TNRC6C: variants seen among roughly 807,000 people sequenced by gnomAD.
TNRC6C encodes trinucleotide repeat-containing gene 6C protein.
A neutral mutation model predicts 153.7 loss-of-function variants in TNRC6C; 20 were observed. That is an observed-to-expected ratio of 0.13 (90% CI 0.09 to 0.19). The LOEUF (loss-of-function observed/expected upper bound fraction) is 0.19, where lower values mean the gene tolerates loss of function less well. TNRC6C is among the 10% of genes least tolerant of loss of function. The pLI is 1.00. For synonymous variants in TNRC6C, 811 were observed against 841.4 expected, an observed-to-expected ratio of 0.96 and a Z score of 0.63; for missense variants, 1,987 against 2,172.0, an observed-to-expected ratio of 0.91 and a Z score of 1.69.
chr17:78,074,654 A>G (rs780262842), intron 7 of TNRC6C, among the ~76,000 whole-genome samples: 6 of 152,246 alleles, frequency 3.9e-5, no homozygotes, highest in Admixed American at 2.6e-4. Flanking sequence ...ACTTGCAGAT[A>G]CAGGACTCGG....
chr17:78,100,131 G>A (rs1423326379), intron 17 of TNRC6C, among the ~76,000 whole-genome samples: 1 of 152,202 alleles, frequency 6.6e-6, no homozygotes, highest in Non-Finnish European at 1.5e-5. Flanking sequence ...TTCACGGGCT[G>A]GTATTGTCTG....
chr17:78,031,653 T>TA, exon 2 of TNRC6C: 1 of 1,232,520 alleles, frequency 8.1e-7, no homozygotes, highest in Non-Finnish European at 1.0e-6. Flanking sequence ...TGCATCCCGT[T>TA]ACCTGCCTCG....
At chr17:78,098,234 C>T in intron 16 of TNRC6C, 109 bp from the exon 20 acceptor site, 1 of 1,085,044 alleles carries the variant, frequency 9.2e-7, no homozygotes, top group Non-Finnish European at 1.3e-6. Context: ...CTTTGCCTAT[C>T]ACACAGTCTG....
intron 14 of TNRC6C, among the ~76,000 whole-genome samples, 188 bp from the exon 17 acceptor site, chr17:78,092,737 AAAATAAAT>A (rs554426804): frequency 2.0e-5 from 3 of 152,140 alleles, no homozygotes; most frequent in African/African-American, 7.2e-5. Context: ...TTGTCTCAAA[AAAATAAAT>A]AAATAAATAA....
In TNRC6C at chr17:78,098,324, C is replaced by T. The variant is rs779799903; in HGVS notation, c.4307-19C>T. ...CTTTGTCTCAAGACTGCATATGCTC[C>T]ATCTCTCTGCCTTTCTAGGTAAACT... On this transcript the variant is annotated intron_variant, in intron 16 of 19. Transcript: ENST00000301624. The T allele has an allele frequency of 6.3e-6, 10 of 1,593,936 alleles. No homozygotes were observed. The Admixed American group carries it at 1.7e-4, about 28-fold the overall frequency.
In TNRC6C at chr17:78,031,509, A is replaced by C; in HGVS notation, c.-545-7A>C. On this transcript the variant is annotated splice_region_variant and splice_polypyrimidine_tract_variant and intron_variant, in intron 1 of 19. Coordinates refer to ENST00000301624, the Ensembl canonical transcript of TNRC6C. ...TTTTGGGTTCTTTTGCCTTTCATTC[A>C]TTTTAGTGCCAGAACCTACTAAGAC... is the stretch of plus-strand genomic sequence containing the variant. 8.1e-7 allele frequency: 1 copy of C among 1,232,090 alleles called. No individual in the cohort carries two copies. The highest frequency in any genetic ancestry group is 1.0e-6 in the Non-Finnish European group (1 of 987,970). 76.3% of individuals were successfully genotyped at this position (1,232,090 alleles called of 1,614,324 possible).
chr17:78,047,426 C>A (rs998736261), intron 2 of TNRC6C, among the ~76,000 whole-genome samples: 1 of 152,176 alleles, frequency 6.6e-6, no homozygotes, highest in Non-Finnish European at 1.5e-5. Context: ...CCTGGAATTA[C>A]GTACCTACTT....
chr17:77,964,600 AT>A (rs2070883774), intron 1 of TNRC6C, among the ~76,000 whole-genome samples: 1 of 152,178 alleles, frequency 6.6e-6, no homozygotes, highest in African/African-American at 2.4e-5. Flanking sequence ...TTTCTTTTTA[AT>A]TACTCTTTTA....
chr17:78,032,495 T>C (rs2072096287), intron 2 of TNRC6C, among the ~76,000 whole-genome samples: 2 of 152,252 alleles, frequency 1.3e-5, no homozygotes, highest in South Asian at 4.1e-4. Context: ...AAAATTCATG[T>C]ACTGTAGTTT....
At chr17:78,045,158 A>T (rs1358118296) in intron 2 of TNRC6C, among the ~76,000 whole-genome samples, 1 of 152,208 alleles carries the variant, frequency 6.6e-6, no homozygotes, top group Admixed American at 6.5e-5. Flanking sequence ...GTGGGGCAGT[A>T]GGGGGCATGG....
chr17:77,961,735 T>C (rs79303880), intron 1 of TNRC6C, among the ~76,000 whole-genome samples: 2,127 of 152,356 alleles, frequency 0.014, 24 homozygotes, highest in Non-Finnish European at 0.02. Context: ...TAGTTGCCTT[T>C]AGAATGCTGA....
intron 16 of TNRC6C, among the ~76,000 whole-genome samples, chr17:78,095,555 A>G (rs2073470464): frequency 6.6e-6 from 1 of 152,182 alleles, no homozygotes; most frequent in Non-Finnish European, 1.5e-5. Context: ...GCACTTGTAC[A>G]CAGACATCAG....
intron 1 of TNRC6C, among the ~76,000 whole-genome samples, chr17:77,998,531 T>C (rs1385025872): frequency 2.0e-5 from 3 of 152,214 alleles, no homozygotes; most frequent in Non-Finnish European, 2.9e-5. Context: ...TCAGTCTCTT[T>C]GTTTTCCAAA....
At chr17:78,099,623 C>G (rs2073553013) in intron 17 of TNRC6C, among the ~76,000 whole-genome samples, 2 of 152,194 alleles carry the variant, frequency 1.3e-5, no homozygotes, top group Non-Finnish European at 2.9e-5. Context: ...TGGGTTCCTT[C>G]ACGAAACATG....
intron 3 of TNRC6C, among the ~76,000 whole-genome samples, chr17:78,060,881 T>C (rs1470087739): frequency 2.0e-5 from 3 of 152,236 alleles, no homozygotes; most frequent in Non-Finnish European, 4.4e-5. Context: ...TAATTATCTG[T>C]AGTGCTTAAG....
intron 1 of TNRC6C, among the ~76,000 whole-genome samples, chr17:77,988,690 T>A (rs16970722): frequency 0.022 from 3,348 of 152,348 alleles, 135 homozygotes; most frequent in African/African-American, 0.077. Context: ...GTTGTTTCTT[T>A]CAGTGTTGAA....
chr17:78,004,245 AAAG>A, upstream of TNRC6C: 2 of 1,231,804 alleles, frequency 1.6e-6, no homozygotes, highest in Non-Finnish European at 2.0e-6. Context: ...AAGAAAAGAA[AAAG>A]AAGGAAGGTG....
intron 11 of TNRC6C, among the ~76,000 whole-genome samples, chr17:78,084,659 T>C (rs1287653253): frequency 6.6e-6 from 1 of 151,136 alleles, no homozygotes; most frequent in Admixed American, 6.6e-5. Flanking sequence ...TTGCTAGTCT[T>C]GCTCTGTTGC....
intron 1 of TNRC6C, among the ~76,000 whole-genome samples, chr17:77,976,291 G>A (rs1046742492): frequency 1.3e-5 from 2 of 152,092 alleles, no homozygotes; most frequent in Non-Finnish European, 2.9e-5. Context: ...TAATCATTTT[G>A]GTATGTTTTA....
Sources: gnomAD v4.1 joint callset for allele counts (sites outside exome capture counted in the v4.1 genomes callset) on GRCh38, gnomAD v4.1.1 for gene constraint, MANE v1.5 for transcripts, NCBI Gene and HGNC (gene_info 2026-07-23, HGNC 2026-07-21) for gene names.